DNAH11: variants seen among roughly 807,000 people sequenced by gnomAD.
DNAH11 encodes the protein dynein axonemal heavy chain 11, also known as axonemal beta dynein heavy chain 11.
Under a neutral mutation model 526.0 loss-of-function variants are expected in DNAH11, and 442 were observed. That is an observed-to-expected ratio of 0.84 (90% CI 0.78 to 0.91). The LOEUF (loss-of-function observed/expected upper bound fraction) is 0.91. Among genes scored for constraint, DNAH11 ranks in the 40% least tolerant of loss-of-function variants. DNAH11 has a pLI of 0.00. For synonymous variants in DNAH11, 2,461 were observed against 1,935.9 expected, an observed-to-expected ratio of 1.27 and a Z score of -7.12; for missense variants, 6,989 against 5,448.7, an observed-to-expected ratio of 1.28 and a Z score of -8.90.
At chr7:21,696,625 G>A (rs969536894) in intron 35 of DNAH11, among the ~76,000 whole-genome samples, 2 of 152,086 alleles carry the variant, frequency 1.3e-5, no homozygotes, top group Non-Finnish European at 2.9e-5. Context: ...AAATTGTCTT[G>A]TGAATTTTTT....
Position 21,637,690 on chromosome 7 carries a change from A to G in DNAH11, c.4805A>G (p.Asp1602Gly), listed in dbSNP as rs548213797. The change falls in exon 27 of 82, where the codon GAT becomes GGT. Residue 1602 changes from aspartate to glycine, a missense_variant. Transcript: ENST00000409508. The part of the protein sequence containing the change: ...CRPNLYEKLK[D>G]LQSRLSLCEK... ...CCTAATCTCTATGAAAAACTTAAAG[A>G]TTTACAGTCCAGGTAAGAATAAAGC... 7 of 1,561,372 alleles carry G rather than the reference A, an allele frequency of 4.5e-6. No individual in the cohort carries two copies. In the East Asian group the frequency reaches 1.6e-4, roughly 36 times the overall value.
rs1010214727 is a variant in DNAH11 at position 21,744,380 on chromosome 7, C to T, written c.8155-58C>T. 3 of 1,563,048 alleles carry T rather than the reference C, an allele frequency of 1.9e-6. No homozygotes were observed. In the African/African-American group the frequency reaches 4.1e-5, roughly 21 times the overall value. ...ATTTTAGTTTAAAAAGTGTTAAACT[C>T]ATTTGACATGTCATCAGCCTCTGAA... On this transcript the variant is annotated intron_variant, in intron 49 of 81. Transcript: ENST00000409508.
At chr7:21,768,121 C>T (rs976034105) in intron 55 of DNAH11, among the ~76,000 whole-genome samples, 5 of 152,182 alleles carry the variant, frequency 3.3e-5, no homozygotes, top group Admixed American at 1.3e-4. Flanking sequence ...AACAGTTTGA[C>T]ACTTAAGTAT....
intron 34 of DNAH11, among the ~76,000 whole-genome samples, chr7:21,689,824 C>T (rs1037355025): frequency 1.3e-5 from 2 of 152,230 alleles, no homozygotes; most frequent in Non-Finnish European, 2.9e-5. Context: ...CCCCTCTCAG[C>T]AATGCAAGAG....
chr7:21,665,375 A>G (rs1340952266), intron 30 of DNAH11, among the ~76,000 whole-genome samples: 2 of 152,150 alleles, frequency 1.3e-5, no homozygotes, highest in African/African-American at 2.4e-5. Context: ...ACTGCAAGGA[A>G]CAGCCTTGTA....
At chr7:21,831,434 TCATTATATAATTTTTG>T (rs773451747) in intron 65 of DNAH11, among the ~76,000 whole-genome samples, 30 of 152,134 alleles carry the variant, frequency 2.0e-4, no homozygotes, top group Non-Finnish European at 4.1e-4. Context: ...ACCCACTGAG[TCATTATATAATTTTTG>T]CCTCTCATAG....
chr7:21,710,556 T>C lies in DNAH11; in HGVS notation c.6687T>C (p.Ile2229=), dbSNP rs1254552538. ...HATREWKDGK[I]VYSYFIGLFS... ...ACTCAACTACATTATATATTAGGATTGTTTACTCTTATTTTATAGGTCTCT... is the reference window on the plus strand; with the variant it reads ...ACTCAACTACATTATATATTAGGATCGTTTACTCTTATTTTATAGGTCTCT... Residue 2229 remains isoleucine (I), a synonymous_variant, in exon 41 of 82, where the codon ATT becomes ATC. Coordinates refer to ENST00000409508, the MANE Select transcript of DNAH11 (RefSeq NM_001277115.2). 6.2e-7 allele frequency: 1 copy of C among 1,605,208 alleles called. No homozygotes were observed. Among genetic ancestry groups the C allele is most frequent in the Admixed American group, 1.7e-5 (1 of 59,258 alleles).
In DNAH11 at chr7:21,570,212, G is replaced by A. The variant is rs1029990395; in HGVS notation, c.1338G>A (p.Met446Ile). The change falls in exon 7 of 82, where the codon ATG (methionine) becomes ATA (isoleucine). Residue 446 changes from methionine to isoleucine, a missense_variant. Met to Ile is a conservative substitution (Grantham distance 10). Transcript: ENST00000409508. The part of the protein sequence containing the change: ...NYRKKLASYF[M>I]GRKLRPWDFQ... Reference sequence around the variant, plus strand: ...GAAAAAAATTGGCAAGCTACTTTATGGGAAGAAAGCTGAGACCATGGGATT... The same window carrying A: ...GAAAAAAATTGGCAAGCTACTTTATAGGAAGAAAGCTGAGACCATGGGATT... 2 of 1,613,440 alleles carry A rather than the reference G, an allele frequency of 1.2e-6. No individual in the cohort carries two copies. The highest frequency in any genetic ancestry group is 1.7e-5 in the Admixed American group (1 of 60,004).
chr7:21,815,892 T>G (rs528777797), intron 63 of DNAH11, among the ~76,000 whole-genome samples: 56 of 152,246 alleles, frequency 3.7e-4, no homozygotes, highest in African/African-American at 1.2e-3. Flanking sequence ...CCCCTTACTT[T>G]GCAACGCAAT....
At chr7:21,854,590 C>T in intron 68 of DNAH11, 135 bp downstream of exon 68, 1 of 1,038,580 alleles carries the variant, frequency 9.6e-7, no homozygotes, top group Non-Finnish European at 1.3e-6. Context: ...CACTCTGTAG[C>T]CCAGGCTGGA....
chr7:21,712,193 G>C (rs6461594), intron 42 of DNAH11, among the ~76,000 whole-genome samples: 1 of 152,090 alleles, frequency 6.6e-6, no homozygotes, highest in African/African-American at 2.4e-5. Context: ...GTTTATCCAC[G>C]TAGCAGCATA....
intron 28 of DNAH11, among the ~76,000 whole-genome samples, chr7:21,648,184 A>G (rs1456784232): frequency 6.6e-6 from 1 of 152,222 alleles, no homozygotes. Flanking sequence ...AGCAGTAGGT[A>G]TTGTCTGTTT....
intron 45 of DNAH11, among the ~76,000 whole-genome samples, chr7:21,728,403 AACC>A (rs1554274496): frequency 3.3e-5 from 5 of 151,304 alleles, no homozygotes; most frequent in Non-Finnish European, 5.9e-5. Context: ...GACTACAGGC[AACC>A]CACCACCATG....
chr7:21,623,401 G>C (rs1358952792), intron 25 of DNAH11, among the ~76,000 whole-genome samples: 1 of 152,356 alleles, frequency 6.6e-6, no homozygotes, highest in Admixed American at 6.5e-5. Context: ...GTGGAAGTCA[G>C]TGTGGCAATT....
chr7:21,749,361 G>A (rs986293091), intron 52 of DNAH11, among the ~76,000 whole-genome samples: 3 of 152,106 alleles, frequency 2.0e-5, no homozygotes, highest in East Asian at 1.9e-4. Flanking sequence ...TTCTTTTTAC[G>A]GCCCTGCCTG....
intron 46 of DNAH11, 98 bp downstream of exon 46, chr7:21,735,942 TAG>T: frequency 8.7e-7 from 1 of 1,149,094 alleles, no homozygotes; most frequent in East Asian, 2.4e-5. Flanking sequence ...CCCTAGAATT[TAG>T]AGTTGTTGCT....
intron 20 of DNAH11, among the ~76,000 whole-genome samples, chr7:21,611,378 T>G (rs1301953157): frequency 2.6e-5 from 4 of 152,320 alleles, no homozygotes; most frequent in South Asian, 2.1e-4. Flanking sequence ...TGAGCCACAC[T>G]GCTGGCATCC....
At chr7:21,860,320 G>A (rs555330320) in intron 68 of DNAH11, among the ~76,000 whole-genome samples, 3 of 151,820 alleles carry the variant, frequency 2.0e-5, no homozygotes, top group Non-Finnish European at 4.4e-5. Flanking sequence ...TGGTAATGAC[G>A]TGGAGAAATT....
intron 46 of DNAH11, among the ~76,000 whole-genome samples, chr7:21,737,424 A>G (rs1183183434): frequency 2.0e-5 from 3 of 152,316 alleles, no homozygotes; most frequent in East Asian, 1.9e-4. Flanking sequence ...CACACCAACT[A>G]TAGAGAATGC....
Sources: gnomAD v4.1 joint callset for allele counts (sites outside exome capture counted in the v4.1 genomes callset) on GRCh38, gnomAD v4.1.1 for gene constraint, MANE v1.5 for transcripts, NCBI Gene and HGNC (gene_info 2026-07-23, HGNC 2026-07-21) for gene names.